The following NOL4 variants were observed in gnomAD, a reference collection of about 807,000 sequenced individuals.
NOL4 encodes the protein nucleolar protein 4.
In NOL4, 17 loss-of-function variants were observed where a neutral mutation model predicts 75.9. That is an observed-to-expected ratio of 0.22 (90% CI 0.15 to 0.34). The LOEUF (loss-of-function observed/expected upper bound fraction) is 0.34, where lower values mean the gene tolerates loss of function less well. Ranked by LOEUF, NOL4 falls within the 10% of genes least tolerant of loss-of-function variation. NOL4 has a pLI of 1.00. For synonymous variants in NOL4, 292 were observed against 289.9 expected, an observed-to-expected ratio of 1.01 and a Z score of -0.07; for missense variants, 614 against 793.5, an observed-to-expected ratio of 0.77 and a Z score of 2.72.
intron 5 of NOL4, among the ~76,000 whole-genome samples, chr18:34,030,493 A>G (rs190707000): frequency 6.6e-6 from 1 of 152,192 alleles, no homozygotes; most frequent in African/African-American, 2.4e-5. Flanking sequence ...AGGAAAAGGG[A>G]TATAGGCATA....
At chr18:34,073,213 T>G (rs565145700) in intron 5 of NOL4, among the ~76,000 whole-genome samples, 1 of 152,152 alleles carries the variant, frequency 6.6e-6, no homozygotes, top group African/African-American at 2.4e-5. Context: ...ATACATCAAT[T>G]ACCAATATCA....
At chr18:33,917,159 T>C (rs16965029) in intron 9 of NOL4, among the ~76,000 whole-genome samples, 2,113 of 152,252 alleles carry the variant, frequency 0.014, 47 homozygotes, top group African/African-American at 0.048. Flanking sequence ...TATAACTTTC[T>C]TTCCTCCTCC....
intron 8 of NOL4, among the ~76,000 whole-genome samples, chr18:33,954,800 C>A (rs891622699): frequency 6.6e-6 from 1 of 151,774 alleles, no homozygotes; most frequent in African/African-American, 2.4e-5. Flanking sequence ...ATGACTAAGA[C>A]CAAGGTGTAT....
chr18:34,213,913 G>T (rs1439794152), intron 1 of NOL4, among the ~76,000 whole-genome samples: 1 of 152,150 alleles, frequency 6.6e-6, no homozygotes, highest in Non-Finnish European at 1.5e-5. Context: ...AGAAGCATTT[G>T]AAACATTCAT....
In NOL4 at chr18:33,957,487, A is replaced by T. The variant is rs267605178; in HGVS notation, c.1267T>A (p.Leu423Met). ...MFVRLFVDEN[L>M]DRMVPISKQP... ...TTAGAGATTGGGACCATTCGGTCCA[A>T]GTTTTCATCTACAAACAGCCTGACA... Residue 423 changes from leucine (L) to methionine (M), a missense_variant, in exon 8 of 11, where the codon TTG becomes ATG. By Grantham distance (15) the Leu-to-Met change is conservative. Transcript: ENST00000261592. 1 of 1,613,390 alleles carries T rather than the reference A, an allele frequency of 6.2e-7. No individual in the cohort carries two copies. Among genetic ancestry groups the T allele is most frequent in the Non-Finnish European group, 8.5e-7 (1 of 1,179,654 alleles).
chr18:33,899,686 C>G (rs1187678526), intron 9 of NOL4, among the ~76,000 whole-genome samples: 1 of 152,138 alleles, frequency 6.6e-6, no homozygotes, highest in Middle Eastern at 3.2e-3. Flanking sequence ...ACAAGTTGCT[C>G]TGGTGTTTAC....
At chr18:33,993,578 G>C (rs1253050482) in intron 6 of NOL4, among the ~76,000 whole-genome samples, 1 of 151,846 alleles carries the variant, frequency 6.6e-6, no homozygotes, top group African/African-American at 2.4e-5. Flanking sequence ...CAAAGGAACA[G>C]GAAAGTATGG....
chr18:33,877,437 TAA>T (rs35251455), intron 10 of NOL4, among the ~76,000 whole-genome samples: 25 of 106,228 alleles, frequency 2.4e-4, no homozygotes, highest in Non-Finnish European at 2.5e-4. Flanking sequence ...GACCTTGCCT[TAA>T]AAAAAAAAAA....
At chr18:34,071,971 G>A (rs1322322268) in intron 5 of NOL4, among the ~76,000 whole-genome samples, 6 of 152,264 alleles carry the variant, frequency 3.9e-5, no homozygotes, top group East Asian at 3.9e-4. Flanking sequence ...AGTAGCTCAC[G>A]CCTGTAATTC....
At chr18:33,870,897 G>T (rs575776729) in intron 10 of NOL4, among the ~76,000 whole-genome samples, 62 of 151,930 alleles carry the variant, frequency 4.1e-4, no homozygotes, top group Admixed American at 1.1e-3. Context: ...GTTTCCCTCC[G>T]TGGCCATTTA....
Position 34,223,380 on chromosome 18 carries a change from G to A in NOL4, c.-127C>T, listed in dbSNP as rs1299306873. On this transcript the variant is annotated 5_prime_UTR_variant, in exon 1 of 11. Coordinates refer to ENST00000261592, the MANE Select transcript of NOL4 (RefSeq NM_003787.5). ...GAGGTCCCGGCCGCAGCGGGAGCCT[G>A]CTTTGGGTGGGGGAAGGGATGGGAA... 2.0e-5 allele frequency: 28 copies of A among 1,370,778 alleles called. No individual in the cohort carries two copies. In the East Asian group the frequency reaches 6.4e-4, roughly 31 times the overall value. The allele number at this position is 1,370,778 out of a possible 1,614,324, so 84.9% of individuals were successfully genotyped here.
At chr18:33,939,295 T>A (rs2068296988) in intron 9 of NOL4, among the ~76,000 whole-genome samples, 1 of 152,158 alleles carries the variant, frequency 6.6e-6, no homozygotes, top group Admixed American at 6.5e-5. Context: ...TTAACATAGC[T>A]TTCTCTAATT....
intron 10 of NOL4, among the ~76,000 whole-genome samples, 166 bp from the exon 11 acceptor site, chr18:33,853,201 T>C (rs1435832437): frequency 1.3e-5 from 2 of 152,132 alleles, no homozygotes; most frequent in Admixed American, 6.6e-5. Flanking sequence ...TAATGAGCAA[T>C]GTAATGGTAA....
chr18:34,056,096 A>G (rs982774310), intron 5 of NOL4, among the ~76,000 whole-genome samples: 3 of 151,984 alleles, frequency 2.0e-5, no homozygotes, highest in Admixed American at 2.0e-4. Flanking sequence ...GTTGTTTTTA[A>G]TTATTTGTCA....
intron 1 of NOL4, among the ~76,000 whole-genome samples, chr18:34,184,875 A>AAG (rs2034333749): frequency 6.6e-6 from 1 of 152,166 alleles, no homozygotes; most frequent in African/African-American, 2.4e-5. Flanking sequence ...AGTGGTGAAG[A>AAG]AGACATACAA....
chr18:33,893,018 A>G (rs981883378), intron 9 of NOL4, among the ~76,000 whole-genome samples: 1 of 152,096 alleles, frequency 6.6e-6, no homozygotes, highest in Non-Finnish European at 1.5e-5. Context: ...TTTTTATAAT[A>G]TCATGAAAAT....
chr18:34,207,705 T>C (rs1271364146), intron 1 of NOL4, among the ~76,000 whole-genome samples: 3 of 152,084 alleles, frequency 2.0e-5, no homozygotes, highest in African/African-American at 7.2e-5. Context: ...CTTCTTAGAG[T>C]TTTAGTTATG....
intron 10 of NOL4, among the ~76,000 whole-genome samples, chr18:33,861,719 G>T (rs2063144159): frequency 6.6e-6 from 1 of 152,134 alleles, no homozygotes; most frequent in Non-Finnish European, 1.5e-5. Flanking sequence ...TAAGGGACAT[G>T]AAGGACCTCT....
intron 9 of NOL4, among the ~76,000 whole-genome samples, chr18:33,942,164 T>C (rs1488043676): frequency 6.6e-6 from 1 of 151,998 alleles, no homozygotes; most frequent in Non-Finnish European, 1.5e-5. Context: ...ATTGGCTCAC[T>C]GTAGAATCAA....
Sources: gnomAD v4.1 joint callset for allele counts (sites outside exome capture counted in the v4.1 genomes callset) on GRCh38, gnomAD v4.1.1 for gene constraint, MANE v1.5 for transcripts, NCBI Gene and HGNC (gene_info 2026-07-23, HGNC 2026-07-21) for gene names.